The following ATP6V0A4 variants were observed in gnomAD, a reference collection of about 807,000 sequenced individuals.
ATP6V0A4 encodes the protein V-type proton ATPase 116 kDa subunit a 4.
ATP6V0A4 carries 86 observed loss-of-function variants against 107.3 expected under a neutral mutation model. The ratio of observed to expected loss-of-function variants is 0.80; its 90% CI spans 0.67 to 0.96. ATP6V0A4 has a LOEUF of 0.96. ATP6V0A4 is among the 40% of genes least tolerant of loss of function. The probability of loss-of-function intolerance (pLI) is 0.00; values close to 1 mark genes in which losing one functional copy is unlikely to be tolerated. For synonymous variants in ATP6V0A4, 353 were observed against 381.4 expected (o/e 0.93, Z 0.87); for missense variants, 908 against 1,045.6 (o/e 0.87, Z 1.81).
At chr7:138,719,100 C>T (rs1017623519) in intron 19 of ATP6V0A4, among the ~76,000 whole-genome samples, 1 of 151,932 alleles carries the variant, frequency 6.6e-6, no homozygotes, top group Non-Finnish European at 1.5e-5. Flanking sequence ...GCAGGAAGAT[C>T]GCTTGGGCTC....
At chr7:138,726,082 C>T (rs539613689) in intron 18 of ATP6V0A4, among the ~76,000 whole-genome samples, 7 of 152,072 alleles carry the variant, frequency 4.6e-5, no homozygotes, top group East Asian at 2.0e-4. Flanking sequence ...CTCCGCCTCC[C>T]GGGCTCAGGC....
chr7:138,792,057 C>T (rs1018607392), intron 1 of ATP6V0A4, among the ~76,000 whole-genome samples: 1 of 152,100 alleles, frequency 6.6e-6, no homozygotes, highest in Non-Finnish European at 1.5e-5. Flanking sequence ...GCCTGTAATC[C>T]CAGCACTTTG....
At chr7:138,706,955 G>A (rs1228410965) in intron 21 of ATP6V0A4, among the ~76,000 whole-genome samples, 3 of 133,716 alleles carry the variant, frequency 2.2e-5, no homozygotes, top group East Asian at 2.2e-4. Flanking sequence ...GTGCAGTGTC[G>A]TGATCTTGGC....
At chr7:138,770,037 C>A (rs886406575) in intron 3 of ATP6V0A4, among the ~76,000 whole-genome samples, 5 of 152,028 alleles carry the variant, frequency 3.3e-5, no homozygotes, top group Admixed American at 1.3e-4. Flanking sequence ...GGCTACAGAG[C>A]AAGACCCTGT....
chr7:138,706,447 T>C lies in ATP6V0A4; in HGVS notation c.*177A>G. The C allele has an allele frequency of 2.8e-6, 2 of 723,266 alleles. No individual in the cohort carries two copies. Among genetic ancestry groups the C allele is most frequent in the Non-Finnish European group, 2.3e-6 (1 of 428,208 alleles). 44.8% of individuals were successfully genotyped at this position (723,266 alleles called of 1,614,324 possible). A position where few individuals can be genotyped will look rare whatever the true frequency, so the allele number is the denominator to read the frequency against. The stretch of plus-strand genomic sequence containing the variant: ...ATATCACTTGCCAAAGTCCTTCCTC[T>C]GACGTGGTTAAGTCGTATCAAATCC... On this transcript the variant is annotated 3_prime_UTR_variant, in exon 22 of 22. Transcript: ENST00000310018.
chr7:138,752,539 C>A, intron 11 of ATP6V0A4, 86 bp downstream of exon 11: 1 of 1,529,144 alleles, frequency 6.5e-7, no homozygotes, highest in African/African-American at 1.4e-5. Flanking sequence ...CACTTGAGTT[C>A]ATGTGGCCCA....
rs759063817 is a variant in ATP6V0A4, at chr7:138,792,780, TGTTTTG to T, written c.-121+5248_-121+5253del. 6.7e-3 allele frequency among the ~76,000 whole-genome samples: 258 copies of T among 38,266 alleles called. 6 individuals are homozygous for T. The South Asian group carries it at 0.071, about 11-fold the overall frequency. The allele number at this position is 38,266 out of a possible 152,430, so 25.1% of individuals were successfully genotyped here. On this transcript the variant is annotated intron_variant, in intron 1 of 21. Transcript: ENST00000310018. ...AACTCAGGTTTGTTTTTTTTTTTGT[TGTTTTG>T]TTTTTTTTTTTGTAGCAACAGAGTT...
At chr7:138,721,153 G>C (rs575600761) in intron 19 of ATP6V0A4, among the ~76,000 whole-genome samples, 1 of 152,280 alleles carries the variant, frequency 6.6e-6, no homozygotes, top group South Asian at 2.1e-4. Context: ...GCTCCTGAGG[G>C]GCAGTGGCTG....
chr7:138,722,685 C>T (rs551512353), intron 18 of ATP6V0A4, among the ~76,000 whole-genome samples: 47 of 119,640 alleles, frequency 3.9e-4, no homozygotes, highest in African/African-American at 1.4e-3. Context: ...GTGGAGGCTG[C>T]GGTGAGCCAA....
chr7:138,779,434 C>G (rs1402105360), intron 2 of ATP6V0A4, among the ~76,000 whole-genome samples: 1 of 152,064 alleles, frequency 6.6e-6, no homozygotes, highest in Non-Finnish European at 1.5e-5. Context: ...CTCAGTCTAC[C>G]CATTCAAATG....
rs192454452 is a variant in ATP6V0A4 at position 138,778,537 on chromosome 7, T to C, written c.-17-7273A>G. Among the ~76,000 whole-genome samples, 919 of 152,240 alleles carry C rather than the reference T, an allele frequency of 6.0e-3. 6 individuals are homozygous for C. The highest frequency in any genetic ancestry group is 0.011 in the Non-Finnish European group (718 of 68,032). On this transcript the variant is annotated intron_variant, in intron 2 of 21. Coordinates refer to ENST00000310018, the MANE Select transcript of ATP6V0A4 (RefSeq NM_020632.3). ...ATAAGGGACAGATAATCAATCTGTA[T>C]ATTCCGGACTCAGTGCGGCAGAAGC...
At chr7:138,743,221 G>C (rs1460606739) in intron 14 of ATP6V0A4, among the ~76,000 whole-genome samples, 1 of 152,054 alleles carries the variant, frequency 6.6e-6, no homozygotes, top group Non-Finnish European at 1.5e-5. Flanking sequence ...ACTTTGGGAG[G>C]CTGAGGCAGG....
chr7:138,709,879 T>A (rs536299237), intron 20 of ATP6V0A4, 84 bp from the exon 21 acceptor site: 99 of 1,370,258 alleles, frequency 7.2e-5, no homozygotes, highest in African/African-American at 2.4e-4. Flanking sequence ...TAATTAAAAA[T>A]ATATATATAT....
At chr7:138,760,975 T>A (rs1274993104) in intron 7 of ATP6V0A4, among the ~76,000 whole-genome samples, 1 of 152,104 alleles carries the variant, frequency 6.6e-6, no homozygotes, top group Admixed American at 6.5e-5. Flanking sequence ...TTCTTTTTTT[T>A]ATTAAAATTT....
At chr7:138,794,979 C>A (rs1220359584) in intron 1 of ATP6V0A4, among the ~76,000 whole-genome samples, 4 of 151,474 alleles carry the variant, frequency 2.6e-5, no homozygotes, top group Non-Finnish European at 5.9e-5. Context: ...TTCACTATAA[C>A]CTCCACCTCC....
At chr7:138,775,923 T>G (rs1807639299) in intron 2 of ATP6V0A4, among the ~76,000 whole-genome samples, 1 of 152,188 alleles carries the variant, frequency 6.6e-6, no homozygotes. Context: ...GTGCTGGGAT[T>G]ACAGGCGTGA....
rs1185253786 is a variant in ATP6V0A4, at chr7:138,745,943, CAA to C, written c.1321-665_1321-664del. On this transcript the variant is annotated intron_variant, in intron 13 of 21. Coordinates refer to ENST00000310018, the MANE Select transcript of ATP6V0A4 (RefSeq NM_020632.3). ...TGGGTGACAGAGCAAGACTCTGTCT[CAA>C]AAAAAAAAAAAAAAAAAATATATAT... 2.3e-3 allele frequency among the ~76,000 whole-genome samples: 163 copies of C among 72,288 alleles called. 4 individuals are homozygous for C. Among genetic ancestry groups the C allele is most frequent in the African/African-American group, 9.3e-3 (157 of 16,882 alleles). 47.4% of individuals were successfully genotyped at this position (72,288 alleles called of 152,430 possible).
At chr7:138,763,070 G>A (rs1186008838) in intron 5 of ATP6V0A4, 45 bp from the exon 6 acceptor site, 1 of 1,609,536 alleles carries the variant, frequency 6.2e-7, no homozygotes, top group East Asian at 2.2e-5. Flanking sequence ...AAAGTGCTAT[G>A]ACATTCCTGA....
chr7:138,798,045 A>C lies in ATP6V0A4; in HGVS notation c.-132T>G. The C allele has an allele frequency of 1.9e-6, 3 of 1,557,376 alleles. No homozygotes were observed. The highest frequency in any genetic ancestry group is 1.9e-5 in the Admixed American group (1 of 51,384). ...GGGAGTCGACTCACCTGCAGCAGGCACTCGGCACAACTCCGCAGGACCGGC... is the reference window on the plus strand; with the variant it reads ...GGGAGTCGACTCACCTGCAGCAGGCCCTCGGCACAACTCCGCAGGACCGGC... On this transcript the variant is annotated 5_prime_UTR_variant, in exon 1 of 22. Transcript: ENST00000310018.
Sources: allele counts gnomAD v4.1 joint callset (sites outside exome capture counted in the v4.1 genomes callset), GRCh38; gene constraint gnomAD v4.1.1; transcripts MANE v1.5; gene names NCBI Gene and HGNC (gene_info 2026-07-23, HGNC 2026-07-21).